Variants in OR51B5 observed in about 807,000 individuals in gnomAD.
The protein encoded by OR51B5 is olfactory receptor family 51 subfamily B member 5.
For missense variants in OR51B5, 456 were observed against 374.6 expected, an observed-to-expected ratio of 1.22 and a Z score of -1.79; for synonymous variants, 186 against 144.8, an observed-to-expected ratio of 1.28 and a Z score of -2.04.
intron 1 of OR51B5, among the ~76,000 whole-genome samples, chr11:5,393,553 A>G (rs1849827863): frequency 6.6e-6 from 1 of 152,158 alleles, no homozygotes; most frequent in Non-Finnish European, 1.5e-5. Flanking sequence ...ATCTAAAAAG[A>G]GCATTTTACA....
intron 1 of OR51B5, chr11:5,352,088 GTC>G: frequency 6.2e-7 from 1 of 1,614,066 alleles, no homozygotes; most frequent in South Asian, 1.1e-5. Flanking sequence ...ACCTTCAACC[GTC>G]TCTATCCAGT....
chr11:5,352,354 C>A (rs745674371), intron 1 of OR51B5: 1 of 1,613,834 alleles, frequency 6.2e-7, no homozygotes, highest in Non-Finnish European at 8.5e-7. Context: ...CCTTTTCCCA[C>A]CTTTTATGAA....
At chr11:5,369,081 G>T (rs1290524196) in intron 1 of OR51B5, among the ~76,000 whole-genome samples, 2 of 152,080 alleles carry the variant, frequency 1.3e-5, no homozygotes, top group Non-Finnish European at 2.9e-5. Flanking sequence ...TCTGTGATAG[G>T]GTGGTTGGGC....
chr11:5,488,396 G>C (rs1851526995), intron 1 of OR51B5, among the ~76,000 whole-genome samples: 1 of 152,154 alleles, frequency 6.6e-6, no homozygotes, highest in South Asian at 2.1e-4. Context: ...GTCAATAAAT[G>C]ATGTGCAGGA....
At chr11:5,417,230 A>G (rs1850257295) in intron 1 of OR51B5, among the ~76,000 whole-genome samples, 1 of 150,170 alleles carries the variant, frequency 6.7e-6, no homozygotes, top group Non-Finnish European at 1.5e-5. Context: ...CCATATGTAG[A>G]AAGCTGAAAC....
chr11:5,463,049 T>G (rs1029590219), intron 1 of OR51B5, among the ~76,000 whole-genome samples: 3 of 152,210 alleles, frequency 2.0e-5, no homozygotes, highest in African/African-American at 7.2e-5. Context: ...TCTCATTGTT[T>G]TGTCGTATTA....
chr11:5,396,459 T>C (rs891619820), intron 1 of OR51B5, among the ~76,000 whole-genome samples: 1 of 152,276 alleles, frequency 6.6e-6, no homozygotes, highest in Non-Finnish European at 1.5e-5. Context: ...CCATTCACAA[T>C]TGCTTCAGAG....
intron 1 of OR51B5, among the ~76,000 whole-genome samples, chr11:5,471,328 T>A (rs1851224772): frequency 1.3e-5 from 2 of 152,136 alleles, no homozygotes; most frequent in African/African-American, 4.8e-5. Flanking sequence ...CCAGTTCTAG[T>A]TTTAATGGTT....
intron 1 of OR51B5, chr11:5,351,445 TTTATACAAC>T (rs1218034794): frequency 5.2e-6 from 7 of 1,359,206 alleles, no homozygotes; most frequent in Non-Finnish European, 5.0e-6. Flanking sequence ...AGGAGCAACT[TTTATACAAC>T]TGATTACTAT....
chr11:5,347,143 C>G (rs10837872), upstream of OR51B5, among the ~76,000 whole-genome samples: 45,250 of 152,066 alleles, frequency 0.3, 7,446 homozygotes, highest in Non-Finnish European at 0.38. Flanking sequence ...GGGAATCAGA[C>G]AGCCTGTCTT....
intron 1 of OR51B5, among the ~76,000 whole-genome samples, chr11:5,450,784 T>C (rs1850833456): frequency 6.6e-6 from 1 of 152,220 alleles, no homozygotes; most frequent in Non-Finnish European, 1.5e-5. Context: ...AGAGAGTCAC[T>C]GTTCAACTCC....
chr11:5,406,640 C>T (rs1404831958), intron 1 of OR51B5, among the ~76,000 whole-genome samples: 1 of 152,076 alleles, frequency 6.6e-6, no homozygotes, highest in Non-Finnish European at 1.5e-5. Context: ...TCACATTTAT[C>T]CAGTGAATAT....
At chr11:5,440,967 T>C in intron 1 of OR51B5, 1 of 1,613,926 alleles carries the variant, frequency 6.2e-7, no homozygotes, top group Non-Finnish European at 8.5e-7. Context: ...GAGATCTGGA[T>C]GGAGACAGTA....
At chr11:5,443,683 A>G (rs527862826) in intron 1 of OR51B5, among the ~76,000 whole-genome samples, 4 of 152,262 alleles carry the variant, frequency 2.6e-5, no homozygotes, top group South Asian at 4.1e-4. Context: ...GATTTTCATC[A>G]GTCTACAAAG....
chr11:5,490,059 C>T (rs394620), intron 1 of OR51B5, among the ~76,000 whole-genome samples: 146,395 of 152,296 alleles, frequency 0.96, 70,394 homozygotes, highest in South Asian at 0.99. Context: ...TGAATATTGA[C>T]GTATTGGTTA....
chr11:5,457,351 T>C (rs1356544441), intron 1 of OR51B5, among the ~76,000 whole-genome samples: 1 of 152,230 alleles, frequency 6.6e-6, no homozygotes, highest in African/African-American at 2.4e-5. Flanking sequence ...ATGGTATATA[T>C]GTACCACATT....
At chr11:5,353,004 G>C (rs2133689504) in intron 1 of OR51B5, among the ~76,000 whole-genome samples, 1 of 151,368 alleles carries the variant, frequency 6.6e-6, no homozygotes, top group Admixed American at 6.6e-5. Context: ...GCATATATTA[G>C]TCCTGTTATA....
At chr11:5,470,937 TA>T (rs1851219400) in intron 1 of OR51B5, among the ~76,000 whole-genome samples, 1 of 152,222 alleles carries the variant, frequency 6.6e-6, no homozygotes, top group South Asian at 2.1e-4. Flanking sequence ...AAAGTGATGT[TA>T]CTCTTTTACT....
intron 1 of OR51B5, among the ~76,000 whole-genome samples, chr11:5,385,025 T>C (rs1441296034): frequency 6.6e-6 from 1 of 152,208 alleles, no homozygotes; most frequent in East Asian, 1.9e-4. Flanking sequence ...ATAACTAATA[T>C]TAAATTCAAA....
Sources: allele counts gnomAD v4.1 joint callset (sites outside exome capture counted in the v4.1 genomes callset), GRCh38; gene constraint gnomAD v4.1.1; transcripts MANE v1.5; gene names NCBI Gene and HGNC (gene_info 2026-07-23, HGNC 2026-07-21).